Variants in ZNF438 observed in about 807,000 individuals in gnomAD.
The protein encoded by ZNF438 is zinc finger protein 438.
In ZNF438, 25 loss-of-function variants were observed where a neutral mutation model predicts 38.0. The ratio of observed to expected loss-of-function variants is 0.66; its 90% CI spans 0.48 to 0.92. ZNF438 has a LOEUF of 0.92. Among genes scored for constraint, ZNF438 ranks in the 40% least tolerant of loss-of-function variants. The pLI is 0.00. For missense variants in ZNF438, 1,007 were observed against 999.6 expected, an observed-to-expected ratio of 1.01 and a Z score of -0.10; for synonymous variants, 372 against 364.1, an observed-to-expected ratio of 1.02 and a Z score of -0.25.
chr10:30,845,618 G>A (rs768235286), intron 5 of ZNF438, 45 bp from the exon 7 acceptor site: 1 of 1,565,644 alleles, frequency 6.4e-7, no homozygotes, highest in East Asian at 2.2e-5. Flanking sequence ...ATGGAAAAAT[G>A]CAATTGGAAT....
At chr10:30,888,569 C>G (rs2040261327) in intron 3 of ZNF438, among the ~76,000 whole-genome samples, 1 of 152,146 alleles carries the variant, frequency 6.6e-6, no homozygotes, top group African/African-American at 2.4e-5. Flanking sequence ...CTGTTGTTCC[C>G]TTGTGTCCAC....
intron 2 of ZNF438, among the ~76,000 whole-genome samples, chr10:30,930,716 C>CTG (rs1157791027): frequency 4.2e-5 from 6 of 142,502 alleles, no homozygotes; most frequent in African/African-American, 1.6e-4. Context: ...CTGAGGCAGG[C>CTG]GAAAAGCTTG....
exon 5 of ZNF438, chr10:30,849,986 A>T (rs750189881): frequency 6.8e-6 from 11 of 1,613,974 alleles, no homozygotes; most frequent in Non-Finnish European, 7.6e-6. Context: ...CTTAGGAAAG[A>T]TCAGGATGGG....
At chr10:30,949,229 C>G (rs2047846218) in intron 1 of ZNF438, among the ~76,000 whole-genome samples, 1 of 151,704 alleles carries the variant, frequency 6.6e-6, no homozygotes, top group African/African-American at 2.4e-5. Context: ...CAGGCCTGCC[C>G]TAAAAGAGCT....
intron 5 of ZNF438, among the ~76,000 whole-genome samples, chr10:30,846,137 A>C (rs2032019563): frequency 6.6e-6 from 1 of 152,228 alleles, no homozygotes; most frequent in Admixed American, 6.5e-5. Flanking sequence ...ATGAACCATG[A>C]AACCTCACTT....
At chr10:31,015,141 T>G (rs1306147587) in intron 1 of ZNF438, among the ~76,000 whole-genome samples, 3 of 152,208 alleles carry the variant, frequency 2.0e-5, no homozygotes, top group Non-Finnish European at 4.4e-5. Context: ...GTGCTGAGAT[T>G]ACAGGCGTGA....
intron 1 of ZNF438, among the ~76,000 whole-genome samples, chr10:31,020,926 T>C (rs892991612): frequency 6.6e-6 from 1 of 151,866 alleles, no homozygotes; most frequent in Non-Finnish European, 1.5e-5. Context: ...AGTGTTTCCA[T>C]AAAAATATCT....
At chr10:30,854,633 A>T (rs2034294982) in intron 4 of ZNF438, among the ~76,000 whole-genome samples, 1 of 152,242 alleles carries the variant, frequency 6.6e-6, no homozygotes. Flanking sequence ...TTAAAATGTA[A>T]TTTTATTTAT....
exon 6 of ZNF438, chr10:30,845,385 C>T: frequency 6.2e-7 from 1 of 1,614,140 alleles, no homozygotes; most frequent in South Asian, 1.1e-5. Context: ...TTCCTGAGTC[C>T]CCTTGCTTCC....
intron 4 of ZNF438, among the ~76,000 whole-genome samples, chr10:30,875,783 G>A (rs1264328849): frequency 2.6e-5 from 4 of 152,334 alleles, no homozygotes; most frequent in Middle Eastern, 3.4e-3. Flanking sequence ...TACTCCCCAT[G>A]GGTCCCCTTG....
At chr10:30,970,105 T>TACACACACACACACACAC (rs55745286) in intron 1 of ZNF438, among the ~76,000 whole-genome samples, 2 of 145,118 alleles carry the variant, frequency 1.4e-5, no homozygotes, top group African/African-American at 5.1e-5. Flanking sequence ...TGCTGGCTGA[T>TACACACACACACACACAC]ACACACACAC....
chr10:31,005,713 T>C (rs1679803521), intron 1 of ZNF438, among the ~76,000 whole-genome samples: 1 of 152,216 alleles, frequency 6.6e-6, no homozygotes, highest in Non-Finnish European at 1.5e-5. Flanking sequence ...TAGTATCCAC[T>C]TCACTGTGTG....
intron 1 of ZNF438, among the ~76,000 whole-genome samples, chr10:30,951,437 T>G (rs1174660208): frequency 6.6e-6 from 1 of 151,826 alleles, no homozygotes; most frequent in African/African-American, 2.4e-5. Flanking sequence ...GGTATTCAAT[T>G]AGGAAAAGAG....
intron 1 of ZNF438, among the ~76,000 whole-genome samples, chr10:30,982,482 T>G (rs2052325325): frequency 2.0e-5 from 3 of 152,172 alleles, no homozygotes; most frequent in Non-Finnish European, 4.4e-5. Flanking sequence ...ATTCTTTAAC[T>G]ATAATTCTAT....
chr10:30,949,425 T>C lies in ZNF438; in HGVS notation c.-191-7774A>G, dbSNP rs1319366374. Among the ~76,000 whole-genome samples the C allele has an allele frequency of 2.0e-5, 3 of 152,202 alleles. No homozygotes were observed. In the East Asian group the frequency reaches 5.8e-4, roughly 29 times the overall value. On this transcript the variant is annotated intron_variant, in intron 1 of 5. Transcript: ENST00000413025. ...ATATTAACTTTAAATGTAAATGGACTAAATGCTCCAATTAAAAGACACAGA... is the reference window on the plus strand; with the variant it reads ...ATATTAACTTTAAATGTAAATGGACCAAATGCTCCAATTAAAAGACACAGA...
At chr10:31,016,689 A>G (rs1318185675) in intron 1 of ZNF438, among the ~76,000 whole-genome samples, 2 of 152,226 alleles carry the variant, frequency 1.3e-5, no homozygotes, top group East Asian at 1.9e-4. Context: ...TATGACTAAC[A>G]AGCCTCTTTT....
At chr10:30,850,367 C>T (rs752744690) in exon 5 of ZNF438, 2 of 1,608,466 alleles carry the variant, frequency 1.2e-6, no homozygotes, top group South Asian at 2.2e-5. Context: ...GTTTGATTCA[C>T]CTGCAATGAC....
chr10:30,993,445 A>G (rs2053713282), intron 1 of ZNF438, among the ~76,000 whole-genome samples: 1 of 152,082 alleles, frequency 6.6e-6, no homozygotes, highest in South Asian at 2.1e-4. Context: ...TCAACTCACC[A>G]CTCTGGAAGG....
At chr10:30,914,736 T>G (rs918006942) in intron 2 of ZNF438, among the ~76,000 whole-genome samples, 23 of 152,054 alleles carry the variant, frequency 1.5e-4, no homozygotes, top group African/African-American at 5.6e-4. Context: ...AGTTTCTTCA[T>G]GTTCTACCTT....
Sources: allele counts gnomAD v4.1 joint callset (sites outside exome capture counted in the v4.1 genomes callset), GRCh38; gene constraint gnomAD v4.1.1; transcripts MANE v1.5; gene names NCBI Gene and HGNC (gene_info 2026-07-23, HGNC 2026-07-21).